Variants in IQCM observed in about 807,000 individuals in gnomAD.
The protein encoded by IQCM is IQ domain-containing protein M.
A neutral mutation model predicts 57.6 loss-of-function variants in IQCM; 45 were observed. That is an observed-to-expected ratio of 0.78 (90% confidence interval 0.62 to 1.00). The LOEUF (loss-of-function observed/expected upper bound fraction) is 1.00, where lower values mean the gene tolerates loss of function less well. Among genes scored for constraint, IQCM ranks in the 50% least tolerant of loss-of-function variants. The pLI is 0.00. For missense variants in IQCM, 468 were observed against 511.6 expected (o/e 0.91, Z 0.82); for synonymous variants, 148 against 158.9 (o/e 0.93, Z 0.51).
chr4:149,723,626 T>C (rs916730050), intron 5 of IQCM, among the ~76,000 whole-genome samples: 1 of 152,010 alleles, frequency 6.6e-6, no homozygotes, highest in Non-Finnish European at 1.5e-5. Context: ...CCTGCACCCC[T>C]GGGATGAAAC....
intron 5 of IQCM, among the ~76,000 whole-genome samples, chr4:149,702,933 C>T (rs967296024): frequency 6.6e-6 from 1 of 151,796 alleles, no homozygotes; most frequent in Non-Finnish European, 1.5e-5. Flanking sequence ...TTCAAAAGGC[C>T]TACTTGAGTT....
At chr4:149,537,245 A>C (rs1245294103) in intron 12 of IQCM, among the ~76,000 whole-genome samples, 1 of 151,896 alleles carries the variant, frequency 6.6e-6, no homozygotes, top group Non-Finnish European at 1.5e-5. Flanking sequence ...TGATAATATT[A>C]AAATAGAGAT....
chr4:149,671,900 AT>A (rs2150180218), intron 7 of IQCM, among the ~76,000 whole-genome samples: 1 of 152,172 alleles, frequency 6.6e-6, no homozygotes, highest in South Asian at 2.1e-4. Flanking sequence ...ACTTCCAACT[AT>A]GGGTGCCTCT....
chr4:149,736,579 A>G (rs1375502371), intron 3 of IQCM, among the ~76,000 whole-genome samples: 1 of 152,114 alleles, frequency 6.6e-6, no homozygotes, highest in Non-Finnish European at 1.5e-5. Flanking sequence ...TCTACTCTTC[A>G]CCCACTCAAA....
chr4:149,758,336 G>A (rs1239990653), intron 2 of IQCM, among the ~76,000 whole-genome samples: 1 of 151,966 alleles, frequency 6.6e-6, no homozygotes, highest in Non-Finnish European at 1.5e-5. Flanking sequence ...AACTCAAAAT[G>A]GATCACAAAC....
intron 8 of IQCM, among the ~76,000 whole-genome samples, chr4:149,598,919 G>T (rs1754018265): frequency 6.6e-6 from 1 of 152,052 alleles, no homozygotes; most frequent in Non-Finnish European, 1.5e-5. Flanking sequence ...ATAGCTAGTG[G>T]CAATCAATTA....
At chr4:149,603,508 A>G (rs1754499705) in intron 8 of IQCM, among the ~76,000 whole-genome samples, 1 of 152,150 alleles carries the variant, frequency 6.6e-6, no homozygotes, top group Admixed American at 6.6e-5. Flanking sequence ...ATTCTTCATT[A>G]CTAGGATCCC....
intron 12 of IQCM, among the ~76,000 whole-genome samples, chr4:149,506,324 A>C (rs1743810163): frequency 6.6e-6 from 1 of 152,204 alleles, no homozygotes; most frequent in Admixed American, 6.6e-5. Flanking sequence ...TTCTTTGAAA[A>C]TATTATATAT....
At chr4:149,618,135 G>A (rs1185904891) in intron 8 of IQCM, among the ~76,000 whole-genome samples, 1 of 152,150 alleles carries the variant, frequency 6.6e-6, no homozygotes, top group Non-Finnish European at 1.5e-5. Context: ...AAAACAGCGT[G>A]ACATTGGTTC....
chr4:149,354,363 CAAAAAAAAAAAAAAA>C (rs70965178), intron 13 of IQCM, among the ~76,000 whole-genome samples: 1 of 20,258 alleles, frequency 4.9e-5, no homozygotes, highest in Admixed American at 6.7e-4. Flanking sequence ...GACTCCGTCT[CAAAAAAAAAAAAAAA>C]AAAAAAAAAA....
At chr4:149,791,004 C>T (rs899523313) in intron 2 of IQCM, among the ~76,000 whole-genome samples, 1 of 152,030 alleles carries the variant, frequency 6.6e-6, no homozygotes, top group African/African-American at 2.4e-5. Context: ...AAAGAACTCT[C>T]TTATACTCAT....
intron 7 of IQCM, among the ~76,000 whole-genome samples, chr4:149,660,339 C>T (rs142057554): frequency 3.3e-5 from 5 of 152,232 alleles, no homozygotes; most frequent in Admixed American, 3.3e-4. Flanking sequence ...ACAACAGGTG[C>T]TGGAGAGGAT....
chr4:149,390,576 C>T lies in IQCM; in HGVS notation c.1391-38510G>A, dbSNP rs534540230. ...TAACTATGGGATTTTCATAGATTGG[C>T]TTTATCAGGTTGAAGAATTCCCTTA... On this transcript the variant is annotated intron_variant, in intron 13 of 13. Coordinates refer to ENST00000636793, the MANE Select transcript of IQCM (RefSeq NM_001363507.2). Among the ~76,000 whole-genome samples the T allele has an allele frequency of 7.9e-5, 12 of 151,952 alleles. No homozygotes were observed. The South Asian group carries it at 2.5e-3, about 32-fold the overall frequency.
chr4:149,814,791 T>C (rs1368466755), intron 2 of IQCM, among the ~76,000 whole-genome samples: 1 of 151,972 alleles, frequency 6.6e-6, no homozygotes, highest in African/African-American at 2.4e-5. Context: ...GAGTAAAAAA[T>C]GTATAATACT....
At chr4:149,419,444 G>A (rs1428654571) in intron 13 of IQCM, among the ~76,000 whole-genome samples, 1 of 152,086 alleles carries the variant, frequency 6.6e-6, no homozygotes, top group Admixed American at 6.6e-5. Flanking sequence ...GCCATATGCA[G>A]AAAATTGAAA....
At chr4:149,753,584 G>A (rs957351146) in intron 2 of IQCM, among the ~76,000 whole-genome samples, 1 of 151,846 alleles carries the variant, frequency 6.6e-6, no homozygotes, top group Admixed American at 6.6e-5. Flanking sequence ...TATAAAGGAG[G>A]GTGTGGGGAG....
intron 12 of IQCM, among the ~76,000 whole-genome samples, chr4:149,544,801 A>C (rs1276045055): frequency 1.3e-5 from 2 of 152,194 alleles, no homozygotes; most frequent in Non-Finnish European, 2.9e-5. Context: ...GGGAAAGGAT[A>C]GTTTTTACAA....
At chr4:149,392,220 T>G (rs1731910094) in intron 13 of IQCM, among the ~76,000 whole-genome samples, 1 of 151,990 alleles carries the variant, frequency 6.6e-6, no homozygotes, top group African/African-American at 2.4e-5. Context: ...TAGCTTGTTT[T>G]ACAAATTTGA....
At chr4:149,727,621 A>T (rs1287309875) in intron 5 of IQCM, among the ~76,000 whole-genome samples, 1 of 152,148 alleles carries the variant, frequency 6.6e-6, no homozygotes, top group Non-Finnish European at 1.5e-5. Flanking sequence ...ATAAAAGGTT[A>T]TTGAGACCCT....
Sources: gnomAD v4.1 joint callset for allele counts (sites outside exome capture counted in the v4.1 genomes callset) on GRCh38, gnomAD v4.1.1 for gene constraint, MANE v1.5 for transcripts, NCBI Gene and HGNC (gene_info 2026-07-23, HGNC 2026-07-21) for gene names.